KLF8: variants seen among roughly 807,000 people sequenced by gnomAD.
The protein encoded by KLF8 is Krueppel-like factor 8.
Under a neutral mutation model 18.2 loss-of-function variants are expected in KLF8, and 10 were observed. The ratio of observed to expected loss-of-function variants is 0.55; its 90% CI spans 0.34 to 0.93. KLF8 has a LOEUF of 0.93. Among genes scored for constraint, KLF8 ranks in the 40% least tolerant of loss-of-function variants. The probability of loss-of-function intolerance (pLI) is 0.02; values close to 1 mark genes in which losing one functional copy is unlikely to be tolerated. For missense variants in KLF8, 264 were observed against 277.9 expected (o/e 0.95, Z 0.36); for synonymous variants, 109 against 97.3 (o/e 1.12, Z -0.71).
the KLF8 span, among the ~76,000 whole-genome samples, chrX:56,206,429 C>T: frequency 1.3e-4 from 15 of 112,066 alleles, no homozygotes; most frequent in East Asian, 8.4e-4. Flanking sequence ...AATGGGAGTA[C>T]GGGCATTGGA....
At chrX:56,057,102 A>G in the KLF8 span, among the ~76,000 whole-genome samples, 1 of 111,652 alleles carries the variant, frequency 9.0e-6, no homozygotes, top group East Asian at 2.8e-4. Context: ...GCTTGGGGCC[A>G]AGGGGTCCTT....
At chrX:56,048,136 T>A in the KLF8 span, among the ~76,000 whole-genome samples, 1 of 112,081 alleles carries the variant, frequency 8.9e-6, no homozygotes, top group Non-Finnish European at 1.9e-5. Flanking sequence ...CTTGTAAATT[T>A]GTTTGAGTTC....
chrX:56,080,671 A>G, the KLF8 span, among the ~76,000 whole-genome samples: 4 of 110,676 alleles, frequency 3.6e-5, no homozygotes, highest in Non-Finnish European at 1.9e-5. Context: ...CATTCTCTGT[A>G]TTTCCTGAAT....
At chrX:56,250,132 A>T (rs1029888593) in intron 1 of KLF8, 99 bp from the exon 2 acceptor site, 14 of 576,365 alleles carry the variant, frequency 2.4e-5, no homozygotes, top group East Asian at 3.4e-5. Flanking sequence ...GCACTGAAAG[A>T]TAAAGGTCAT....
chrX:56,041,334 G>A, the KLF8 span, among the ~76,000 whole-genome samples: 1 of 111,072 alleles, frequency 9.0e-6, no homozygotes, highest in Admixed American at 9.5e-5. Flanking sequence ...ATGTTGGCCA[G>A]CCTCGTCTTG....
the KLF8 span, among the ~76,000 whole-genome samples, chrX:56,072,533 G>C: frequency 9.0e-6 from 1 of 111,183 alleles, no homozygotes; most frequent in Non-Finnish European, 1.9e-5. Context: ...GTTTAATGTT[G>C]TGGCCATTAT....
chrX:55,944,173 G>C, the KLF8 span, among the ~76,000 whole-genome samples: 2 of 108,127 alleles, frequency 1.8e-5, no homozygotes, highest in Admixed American at 9.9e-5. Flanking sequence ...GCATCCCAGG[G>C]ATGAAGCCCA....
At chrX:56,090,821 C>G in the KLF8 span, among the ~76,000 whole-genome samples, 1 of 111,591 alleles carries the variant, frequency 9.0e-6, no homozygotes, top group Non-Finnish European at 1.9e-5. Context: ...TATTTTTCCC[C>G]TCAGTCCATG....
At chrX:56,134,697 G>A in the KLF8 span, among the ~76,000 whole-genome samples, 1 of 111,168 alleles carries the variant, frequency 9.0e-6, no homozygotes, top group African/African-American at 3.3e-5. Context: ...AAAAAGAACA[G>A]TCAGCAGATT....
chrX:56,015,931 A>G, the KLF8 span, among the ~76,000 whole-genome samples: 1 of 111,519 alleles, frequency 9.0e-6, no homozygotes, highest in Non-Finnish European at 1.9e-5. Flanking sequence ...AAATAAGTAA[A>G]CTCTTAAATA....
the KLF8 span, among the ~76,000 whole-genome samples, chrX:55,954,462 G>T: frequency 9.0e-6 from 1 of 111,558 alleles, no homozygotes; most frequent in Non-Finnish European, 1.9e-5. Context: ...TTAGTCATTA[G>T]GAAAATGCAA....
At chrX:56,187,481 C>T in the KLF8 span, among the ~76,000 whole-genome samples, 1 of 111,656 alleles carries the variant, frequency 9.0e-6, no homozygotes. Flanking sequence ...TGAAACTATT[C>T]CAATCAATAG....
intron 2 of KLF8, among the ~76,000 whole-genome samples, chrX:56,257,993 C>T (rs1376404984): frequency 8.9e-6 from 1 of 111,902 alleles, no homozygotes; most frequent in Non-Finnish European, 1.9e-5. Context: ...AATGAATTTG[C>T]TTAAGTTGCA....
chrX:56,166,801 G>T, the KLF8 span, among the ~76,000 whole-genome samples: 1 of 111,293 alleles, frequency 9.0e-6, no homozygotes, highest in Non-Finnish European at 1.9e-5. Flanking sequence ...AGAGTGATTT[G>T]TTTTCCGGGG....
the KLF8 span, among the ~76,000 whole-genome samples, chrX:56,034,140 A>G: frequency 1.8e-5 from 2 of 111,850 alleles, no homozygotes; most frequent in African/African-American, 6.5e-5. Flanking sequence ...GTATTTTTAC[A>G]TTTTCAGGTC....
intron 1 of KLF8, among the ~76,000 whole-genome samples, chrX:56,246,407 C>T (rs996321944): frequency 5.3e-5 from 6 of 112,157 alleles, no homozygotes; most frequent in Non-Finnish European, 9.4e-5. Flanking sequence ...AGGAAACGGA[C>T]AGTTCCTCTT....
chrX:56,006,003 CAG>C, the KLF8 span, among the ~76,000 whole-genome samples: 1 of 112,646 alleles, frequency 8.9e-6, no homozygotes, highest in African/African-American at 3.2e-5. Flanking sequence ...GGCCAACAGA[CAG>C]GGGCATTCAG....
At chrX:56,272,217 A>AT (rs766612386) in intron 5 of KLF8, among the ~76,000 whole-genome samples, 1,445 of 104,607 alleles carry the variant, frequency 0.014, 7 homozygotes, top group Middle Eastern at 0.024. Flanking sequence ...ATCTCACTAC[A>AT]TTTTTTTTTT....
At chrX:56,009,776 G>A in the KLF8 span, among the ~76,000 whole-genome samples, 7 of 112,285 alleles carry the variant, frequency 6.2e-5, no homozygotes, top group African/African-American at 2.3e-4. Context: ...ATGACCTGAT[G>A]GAACTGGAAA....
Sources: allele counts gnomAD v4.1 joint callset (sites outside exome capture counted in the v4.1 genomes callset), GRCh38; gene constraint gnomAD v4.1.1; transcripts MANE v1.5; gene names NCBI Gene and HGNC (gene_info 2026-07-23, HGNC 2026-07-21).